Variants in REC114 observed in about 807,000 individuals in gnomAD.
REC114 encodes meiotic recombination protein REC114.
Under a neutral mutation model 31.3 loss-of-function variants are expected in REC114, and 27 were observed. The observed-to-expected ratio is 0.86, with a 90% CI of 0.64 to 1.19. REC114 has a LOEUF of 1.19. Ranked by LOEUF, REC114 falls within the 50% of genes most tolerant of loss-of-function variation. The pLI, the probability that REC114 is intolerant of heterozygous loss-of-function variation, is 0.00. For missense variants in REC114, 344 were observed against 326.9 expected (o/e 1.05, Z -0.40); for synonymous variants, 134 against 127.7 (o/e 1.05, Z -0.33).
intron 3 of REC114, among the ~76,000 whole-genome samples, chr15:73,542,756 TA>T (rs1285470369): frequency 6.6e-6 from 1 of 152,210 alleles, no homozygotes; most frequent in Non-Finnish European, 1.5e-5. Flanking sequence ...CTGTTCTTTT[TA>T]TCAGGAACAT....
chr15:73,458,140 T>C (rs3889590), intron 1 of REC114, among the ~76,000 whole-genome samples: 20,829 of 152,124 alleles, frequency 0.14, 1,923 homozygotes, highest in African/African-American at 0.27. Context: ...GAAAGGGTGG[T>C]AGGGAAGAGG....
chr15:73,466,890 C>T (rs192781503), intron 1 of REC114, among the ~76,000 whole-genome samples: 111 of 152,266 alleles, frequency 7.3e-4, no homozygotes, highest in Middle Eastern at 3.4e-3. Flanking sequence ...ACTGTGCTAT[C>T]TTTGTTTTAT....
intron 4 of REC114, among the ~76,000 whole-genome samples, chr15:73,555,970 C>T (rs1435149408): frequency 2.6e-5 from 4 of 152,162 alleles, no homozygotes; most frequent in East Asian, 3.9e-4. Flanking sequence ...ACCGGGCCCA[C>T]CCTCCAGCAC....
chr15:73,528,010 AG>A (rs1289712070), intron 2 of REC114, among the ~76,000 whole-genome samples: 2 of 152,218 alleles, frequency 1.3e-5, no homozygotes, highest in Non-Finnish European at 2.9e-5. Context: ...GTAACTGCAA[AG>A]GATCGAAACA....
chr15:73,493,656 A>G (rs368809754), intron 2 of REC114, among the ~76,000 whole-genome samples: 52 of 152,186 alleles, frequency 3.4e-4, no homozygotes, highest in African/African-American at 1.1e-3. Flanking sequence ...CCTGGCTAAT[A>G]TAAGTTTACA....
intron 5 of REC114, among the ~76,000 whole-genome samples, chr15:73,558,845 G>T (rs1894519676): frequency 6.6e-6 from 1 of 152,188 alleles, no homozygotes; most frequent in Non-Finnish European, 1.5e-5. Context: ...ACAAAAACCT[G>T]TAAGGGAATG....
intron 1 of REC114, among the ~76,000 whole-genome samples, chr15:73,468,135 C>T (rs1297280729): frequency 6.6e-6 from 1 of 152,158 alleles, no homozygotes; most frequent in Admixed American, 6.5e-5. Flanking sequence ...TGTAAGATAA[C>T]ATATTACAGG....
At chr15:73,539,090 G>A (rs908495850) in intron 2 of REC114, among the ~76,000 whole-genome samples, 3 of 151,986 alleles carry the variant, frequency 2.0e-5, no homozygotes, top group Non-Finnish European at 4.4e-5. Flanking sequence ...CAATGTGTGT[G>A]AGTGCCAGTT....
At chr15:73,484,131 A>T (rs1893334737) in intron 2 of REC114, among the ~76,000 whole-genome samples, 1 of 152,154 alleles carries the variant, frequency 6.6e-6, no homozygotes, top group Non-Finnish European at 1.5e-5. Context: ...ATGCATACAC[A>T]TCCTCCACCT....
At chr15:73,489,231 TCTCA>T (rs1461930505) in intron 2 of REC114, among the ~76,000 whole-genome samples, 7 of 135,564 alleles carry the variant, frequency 5.2e-5, no homozygotes, top group Non-Finnish European at 1.1e-4. Flanking sequence ...TGAGACAGAG[TCTCA>T]CTCTGTTGCC....
chr15:73,535,190 C>T (rs1566947062), intron 2 of REC114, among the ~76,000 whole-genome samples: 2 of 147,774 alleles, frequency 1.4e-5, no homozygotes, highest in Non-Finnish European at 3.0e-5. Flanking sequence ...GGCAATTAGT[C>T]AGGAGAAGGA....
chr15:73,551,903 C>T (rs922795054), intron 4 of REC114, among the ~76,000 whole-genome samples: 1 of 152,170 alleles, frequency 6.6e-6, no homozygotes, highest in Non-Finnish European at 1.5e-5. Context: ...ACATGAGCTT[C>T]ACAACTTCCC....
chr15:73,450,826 G>A (rs1892835650), intron 1 of REC114, among the ~76,000 whole-genome samples: 1 of 152,322 alleles, frequency 6.6e-6, no homozygotes, highest in Admixed American at 6.5e-5. Flanking sequence ...TCAGGATTAA[G>A]ACACTCACTC....
chr15:73,500,904 A>C (rs1331172399), intron 2 of REC114, among the ~76,000 whole-genome samples: 4 of 151,938 alleles, frequency 2.6e-5, no homozygotes, highest in African/African-American at 9.7e-5. Context: ...TGCCCCCAGG[A>C]TATGGACCAG....
At chr15:73,537,946 A>G (rs776161620) in intron 2 of REC114, among the ~76,000 whole-genome samples, 6 of 152,184 alleles carry the variant, frequency 3.9e-5, no homozygotes, top group Non-Finnish European at 5.9e-5. Context: ...AAAGTAGCAT[A>G]TGATGGACAT....
At chr15:73,514,332 C>T (rs1057150199) in intron 2 of REC114, among the ~76,000 whole-genome samples, 2 of 151,638 alleles carry the variant, frequency 1.3e-5, no homozygotes, top group Non-Finnish European at 2.9e-5. Flanking sequence ...CACTGGCCTG[C>T]GCCCACTGTC....
At chr15:73,444,415 A>G (rs1394787525) in intron 1 of REC114, among the ~76,000 whole-genome samples, 1 of 152,232 alleles carries the variant, frequency 6.6e-6, no homozygotes, top group East Asian at 1.9e-4. Flanking sequence ...TCATTTCAGC[A>G]ATGTTCACGG....
At chr15:73,478,291 T>C (rs1477164633) in intron 2 of REC114, among the ~76,000 whole-genome samples, 1 of 140,364 alleles carries the variant, frequency 7.1e-6, no homozygotes, top group South Asian at 2.3e-4. Context: ...AAAAAAAGAA[T>C]TTGGGTTTAT....
chr15:73,559,971 C>T lies in REC114; in HGVS notation c.*55C>T. The stretch of plus-strand genomic sequence containing the variant: ...TTCAAAGTATTGAAAAATGCTTCCT[C>T]CTAAAATTAAAGAAGATATTAGAAT... On this transcript the variant is annotated 3_prime_UTR_variant, in exon 6 of 6. Coordinates refer to ENST00000331090, the MANE Select transcript of REC114 (RefSeq NM_001042367.2). 7.0e-7 allele frequency: 1 copy of T among 1,431,926 alleles called. No individual in the cohort carries two copies. The highest frequency in any genetic ancestry group is 9.4e-7 in the Non-Finnish European group (1 of 1,065,056). The allele number at this position is 1,431,926 out of a possible 1,614,324, so 88.7% of individuals were successfully genotyped here.
Sources: allele counts gnomAD v4.1 joint callset (sites outside exome capture counted in the v4.1 genomes callset), GRCh38; gene constraint gnomAD v4.1.1; transcripts MANE v1.5; gene names NCBI Gene and HGNC (gene_info 2026-07-23, HGNC 2026-07-21).